S100PBP: variants seen among roughly 807,000 people sequenced by gnomAD.
S100PBP encodes the protein S100P-binding protein.
Under a neutral mutation model 39.9 loss-of-function variants are expected in S100PBP, and 15 were observed. That is an observed-to-expected ratio of 0.38 (90% confidence interval 0.25 to 0.58). The LOEUF (loss-of-function observed/expected upper bound fraction) is 0.58. Ranked by LOEUF, S100PBP falls within the 20% of genes least tolerant of loss-of-function variation. S100PBP has a pLI of 0.70. For missense variants in S100PBP, 504 were observed against 487.3 expected (o/e 1.03, Z -0.32); for synonymous variants, 178 against 180.3 (o/e 0.99, Z 0.10).
intron 6 of S100PBP, among the ~76,000 whole-genome samples, chr1:32,853,501 G>C (rs1263575697): frequency 2.6e-5 from 4 of 151,328 alleles, no homozygotes; most frequent in African/African-American, 7.3e-5. Flanking sequence ...GGTGGGGGGG[G>C]GGCGCGTGAA....
At chr1:32,828,483 A>G (rs1639439420) in intron 4 of S100PBP, among the ~76,000 whole-genome samples, 1 of 152,144 alleles carries the variant, frequency 6.6e-6, no homozygotes, top group Non-Finnish European at 1.5e-5. Flanking sequence ...CCCAACTTGC[A>G]TACAACTACC....
rs201873618 is a variant in S100PBP, at chr1:32,826,449, C to T, written c.350C>T (p.Pro117Leu). 2 of 1,614,072 alleles carry T rather than the reference C, an allele frequency of 1.2e-6. No individual in the cohort carries two copies. Among genetic ancestry groups the T allele is most frequent in the East Asian group, 2.2e-5 (1 of 44,880 alleles). The change falls in exon 3 of 7, where the codon CCT becomes CTT. Residue 117 changes from proline to leucine, a missense_variant. Transcript: ENST00000373475. ...VAETPDLFKL[P>L]QLSTSSGHGP... is the part of the protein sequence containing the mutation. ...GAGACTCCTGACCTCTTCAAACTAC[C>T]TCAGCTAAGTACATCAAGTGGTCAT...
Position 32,855,929 on chromosome 1 carries a change from A to G in S100PBP, c.1118A>G (p.Tyr373Cys). Residue 373 changes from tyrosine (Y) to cysteine (C), a missense_variant, in exon 7 of 7, where the codon TAC (tyrosine) becomes TGC (cysteine). By Grantham distance (194) the Tyr-to-Cys change is radical. Coordinates refer to ENST00000373475, the MANE Select transcript of S100PBP (RefSeq NM_022753.4). ...QHPSDLTTRNYARRQKHLQRY... is the reference protein window; with the variant it reads ...QHPSDLTTRNCARRQKHLQRY... ...TACTCTCCCTCTCTCGATAGAAACTACGCCCGCCGACAGAAACATCTGCAA... is the reference window on the plus strand; with the variant it reads ...TACTCTCCCTCTCTCGATAGAAACTGCGCCCGCCGACAGAAACATCTGCAA... 2 of 1,611,674 alleles carry G rather than the reference A, an allele frequency of 1.2e-6. No homozygotes were observed. Among genetic ancestry groups the G allele is most frequent in the South Asian group, 1.1e-5 (1 of 90,940 alleles).
intron 1 of S100PBP, among the ~76,000 whole-genome samples, chr1:32,822,610 GA>G (rs1639128256): frequency 7.8e-6 from 1 of 127,766 alleles, no homozygotes. Flanking sequence ...TACAGAGCTA[GA>G]CTCCGTTTCA....
intron 5 of S100PBP, among the ~76,000 whole-genome samples, chr1:32,832,536 C>T (rs1049008260): frequency 1.2e-4 from 18 of 152,124 alleles, no homozygotes; most frequent in African/African-American, 3.9e-4. Context: ...TTCTGCCTTC[C>T]AGGAACCCAG....
intron 5 of S100PBP, among the ~76,000 whole-genome samples, chr1:32,844,957 T>C (rs1277368143): frequency 6.6e-6 from 1 of 151,352 alleles, no homozygotes; most frequent in African/African-American, 2.4e-5. Context: ...GCCTCCCGAG[T>C]AGCTGGGACT....
At chr1:32,840,653 G>A (rs1002045838) in intron 5 of S100PBP, among the ~76,000 whole-genome samples, 11 of 151,798 alleles carry the variant, frequency 7.2e-5, no homozygotes, top group Admixed American at 1.3e-4. Context: ...CACCACGCCC[G>A]ACCTATTTTC....
chr1:32,842,031 A>T (rs1640119216), intron 5 of S100PBP, among the ~76,000 whole-genome samples: 1 of 151,416 alleles, frequency 6.6e-6, no homozygotes, highest in African/African-American at 2.4e-5. Flanking sequence ...CCAAAAAAAA[A>T]TTAAAAGGTT....
intron 4 of S100PBP, among the ~76,000 whole-genome samples, chr1:32,829,360 T>G (rs889449939): frequency 6.6e-6 from 1 of 152,216 alleles, no homozygotes; most frequent in African/African-American, 2.4e-5. Flanking sequence ...TGACTAACCT[T>G]GAATTACTCA....
intron 1 of S100PBP, among the ~76,000 whole-genome samples, chr1:32,823,429 G>T (rs1317783654): frequency 6.6e-6 from 1 of 152,122 alleles, no homozygotes; most frequent in Non-Finnish European, 1.5e-5. Context: ...CTCAACAATT[G>T]CTGGAATATA....
intron 1 of S100PBP, chr1:32,818,961 T>C (rs1160118685): frequency 1.3e-5 from 2 of 152,202 alleles, no homozygotes; most frequent in Non-Finnish European, 2.9e-5. Flanking sequence ...TTGGTAATGG[T>C]CTTGACTTTA....
intron 5 of S100PBP, among the ~76,000 whole-genome samples, chr1:32,850,376 G>A (rs1640561098): frequency 6.6e-6 from 1 of 152,204 alleles, no homozygotes; most frequent in African/African-American, 2.4e-5. Flanking sequence ...TGACCACAGG[G>A]AGTGGAGTGC....
chr1:32,848,302 G>A (rs929736788), intron 5 of S100PBP, among the ~76,000 whole-genome samples: 16 of 151,816 alleles, frequency 1.1e-4, no homozygotes, highest in African/African-American at 3.9e-4. Flanking sequence ...GCGAAACTCC[G>A]TCTCAAAAAA....
chr1:32,836,756 T>G (rs1167714506), intron 5 of S100PBP: 1 of 183,146 alleles, frequency 5.5e-6, no homozygotes, highest in East Asian at 1.9e-4. Context: ...GAATCCTGTT[T>G]CTTGGATCCT....
At chr1:32,844,027 C>T (rs974396743) in intron 5 of S100PBP, among the ~76,000 whole-genome samples, 7 of 152,042 alleles carry the variant, frequency 4.6e-5, no homozygotes, top group Non-Finnish European at 7.4e-5. Context: ...GATTCTCCTG[C>T]CTCAGCCTCC....
At chr1:32,854,546 C>T (rs1440906138) in intron 6 of S100PBP, among the ~76,000 whole-genome samples, 2 of 152,180 alleles carry the variant, frequency 1.3e-5, no homozygotes, top group East Asian at 3.8e-4. Flanking sequence ...CAAAGCCTAA[C>T]TATTTCTCAT....
chr1:32,849,709 CTA>C (rs1298865609), intron 5 of S100PBP, among the ~76,000 whole-genome samples: 1 of 152,118 alleles, frequency 6.6e-6, no homozygotes, highest in Non-Finnish European at 1.5e-5. Flanking sequence ...AGACATATGG[CTA>C]TATGATTTTT....
chr1:32,837,088 A>G (rs1639855904), intron 5 of S100PBP: 1 of 148,224 alleles, frequency 6.7e-6, no homozygotes, highest in Non-Finnish European at 1.5e-5. Context: ...AAAAAAACAT[A>G]CAAAAATTAG....
At chr1:32,827,034 C>T (rs2148645610) in intron 3 of S100PBP, 104 bp downstream of exon 3, 3 of 759,568 alleles carry the variant, frequency 3.9e-6, no homozygotes, top group Non-Finnish European at 4.2e-6. Flanking sequence ...ACACAACTTC[C>T]CCTGCTGTGG....
Sources: allele counts gnomAD v4.1 joint callset (sites outside exome capture counted in the v4.1 genomes callset), GRCh38; gene constraint gnomAD v4.1.1; transcripts MANE v1.5; gene names NCBI Gene and HGNC (gene_info 2026-07-23, HGNC 2026-07-21).